TMTC2: variants seen among roughly 807,000 people sequenced by gnomAD.
TMTC2 encodes protein O-mannosyl-transferase TMTC2.
Under a neutral mutation model 82.4 loss-of-function variants are expected in TMTC2, and 43 were observed. The observed-to-expected ratio is 0.52, with a 90% CI of 0.41 to 0.67. The LOEUF is 0.67. Among genes scored for constraint, TMTC2 ranks in the 30% least tolerant of loss-of-function variants. The pLI, the probability that TMTC2 is intolerant of heterozygous loss-of-function variation, is 0.00. For synonymous variants in TMTC2, 408 were observed against 381.9 expected (o/e 1.07, Z -0.80); for missense variants, 919 against 1,012.4 (o/e 0.91, Z 1.25).
chr12:82,706,026 A>T (rs1160096947), intron 1 of TMTC2, among the ~76,000 whole-genome samples: 1 of 151,992 alleles, frequency 6.6e-6, no homozygotes, highest in Non-Finnish European at 1.5e-5. Flanking sequence ...ATGAGAGAGA[A>T]GGCTGGGTGA....
chr12:83,058,314 C>CTT (rs1882617979), intron 10 of TMTC2, among the ~76,000 whole-genome samples: 1 of 151,772 alleles, frequency 6.6e-6, no homozygotes, highest in Non-Finnish European at 1.5e-5. Flanking sequence ...AACCAACCAA[C>CTT]AAAACAAAAA....
intron 8 of TMTC2, among the ~76,000 whole-genome samples, chr12:82,997,382 G>A (rs1241237298): frequency 1.5e-5 from 1 of 67,908 alleles, no homozygotes; most frequent in African/African-American, 5.9e-5. Context: ...ATATATATAT[G>A]TGTATATATA....
intron 2 of TMTC2, among the ~76,000 whole-genome samples, chr12:82,874,882 A>T (rs974824110): frequency 6.6e-6 from 1 of 152,172 alleles, no homozygotes; most frequent in Non-Finnish European, 1.5e-5. Flanking sequence ...TTAAATACTG[A>T]AATTAATTTG....
At chr12:82,794,534 A>G (rs1245708996) in intron 1 of TMTC2, among the ~76,000 whole-genome samples, 1 of 152,048 alleles carries the variant, frequency 6.6e-6, no homozygotes, top group Non-Finnish European at 1.5e-5. Flanking sequence ...TTATTTTTTA[A>G]CAGCATCTAT....
chr12:83,061,884 T>G (rs776379596), intron 11 of TMTC2, 53 bp downstream of exon 11: 1 of 1,384,204 alleles, frequency 7.2e-7, no homozygotes, highest in Non-Finnish European at 9.9e-7. Context: ...TCCAAGCATA[T>G]GATAGGTGTA....
intron 2 of TMTC2, among the ~76,000 whole-genome samples, chr12:82,863,571 C>G (rs1055137036): frequency 7.9e-5 from 12 of 152,098 alleles, no homozygotes; most frequent in Non-Finnish European, 4.4e-5. Context: ...ATATTGTATT[C>G]CTGCAGGCTG....
At chr12:83,103,974 A>T (rs998214891) in intron 11 of TMTC2, among the ~76,000 whole-genome samples, 4 of 152,220 alleles carry the variant, frequency 2.6e-5, no homozygotes, top group Non-Finnish European at 5.9e-5. Context: ...AAAAAAGAGA[A>T]CTCAGTCAAA....
chr12:82,852,455 T>C (rs1393854963), intron 1 of TMTC2, among the ~76,000 whole-genome samples: 2 of 152,160 alleles, frequency 1.3e-5, no homozygotes, highest in Admixed American at 6.5e-5. Context: ...TCCTGTGTTC[T>C]CTAGGGAATT....
Position 83,116,913 on chromosome 12 carries a change from C to G in TMTC2, c.2332-15297C>G, listed in dbSNP as rs915918143. 1.3e-5 allele frequency among the ~76,000 whole-genome samples: 2 copies of G among 152,160 alleles called. 1 individual carries two copies. The highest frequency in any genetic ancestry group is 4.8e-5 in the African/African-American group (2 of 41,424). ...TTACTCTGCTGTTACATTTGCTGTGCAAAAGCTCTTTAGTTTAATTAAGTT... is the reference window on the plus strand; with the variant it reads ...TTACTCTGCTGTTACATTTGCTGTGGAAAAGCTCTTTAGTTTAATTAAGTT... On this transcript the variant is annotated intron_variant, in intron 11 of 11. Coordinates refer to ENST00000321196, the MANE Select transcript of TMTC2 (RefSeq NM_152588.3).
intron 11 of TMTC2, among the ~76,000 whole-genome samples, chr12:83,064,659 T>A (rs1325795276): frequency 6.6e-6 from 1 of 151,874 alleles, no homozygotes; most frequent in East Asian, 1.9e-4. Context: ...ATCTAAGTAC[T>A]AACCAGCCCA....
intron 1 of TMTC2, among the ~76,000 whole-genome samples, chr12:82,810,910 C>A (rs756172075): frequency 2.0e-5 from 3 of 152,070 alleles, no homozygotes; most frequent in Admixed American, 2.0e-4. Flanking sequence ...GTTTCCCCAG[C>A]GATGCTGAAC....
At chr12:82,772,792 A>G (rs965430066) in intron 1 of TMTC2, among the ~76,000 whole-genome samples, 1 of 152,160 alleles carries the variant, frequency 6.6e-6, no homozygotes, top group African/African-American at 2.4e-5. Context: ...CTGTAATTTT[A>G]CACCTATTTA....
At chr12:83,022,518 A>G (rs981695142) in intron 8 of TMTC2, among the ~76,000 whole-genome samples, 18 of 152,044 alleles carry the variant, frequency 1.2e-4, no homozygotes, top group Non-Finnish European at 2.2e-4. Context: ...CTTGATTACC[A>G]AGGCCTGGAA....
intron 7 of TMTC2, among the ~76,000 whole-genome samples, chr12:82,979,463 T>C (rs1307821439): frequency 6.6e-6 from 1 of 151,744 alleles, no homozygotes; most frequent in African/African-American, 2.4e-5. Context: ...AGAAAATGAA[T>C]AACTCTACAC....
At chr12:82,971,248 C>T (rs758642447) in intron 7 of TMTC2, among the ~76,000 whole-genome samples, 24 of 151,818 alleles carry the variant, frequency 1.6e-4, no homozygotes, top group Non-Finnish European at 2.5e-4. Context: ...TCTGCTTAGT[C>T]CTTCTGTGTT....
intron 1 of TMTC2, among the ~76,000 whole-genome samples, chr12:82,849,577 A>G (rs879699409): frequency 9.2e-5 from 14 of 152,274 alleles, no homozygotes; most frequent in African/African-American, 3.1e-4. Flanking sequence ...ATGATATTCA[A>G]TGATGAGACT....
chr12:82,764,913 T>G (rs1179201862), intron 1 of TMTC2, among the ~76,000 whole-genome samples: 4 of 146,604 alleles, frequency 2.7e-5, no homozygotes, highest in African/African-American at 1.0e-4. Context: ...GCATTTTACG[T>G]AAGACAACAC....
At position 83,066,814 on chromosome 12, in the gene TMTC2, T is replaced by TA. The variant is rs556214487; in HGVS notation, c.2331+4990dup. On this transcript the variant is annotated intron_variant, in intron 11 of 11. Transcript: ENST00000321196. ...TAGAAGAAAAGAAATACCACAAATA[T>TA]AAAAAAATTGTAATCAGAGGGCTTT... Among the ~76,000 whole-genome samples, 15 of 151,990 alleles carry TA rather than the reference T, an allele frequency of 9.9e-5. No individual in the cohort carries two copies. In the East Asian group the frequency reaches 1.4e-3, roughly 14 times the overall value.
At chr12:82,862,097 T>A (rs1871583361) in intron 2 of TMTC2, among the ~76,000 whole-genome samples, 1 of 152,178 alleles carries the variant, frequency 6.6e-6, no homozygotes. Flanking sequence ...AAATGATTGT[T>A]TTAGCATTAC....
Sources: gnomAD v4.1 joint callset for allele counts (sites outside exome capture counted in the v4.1 genomes callset) on GRCh38, gnomAD v4.1.1 for gene constraint, MANE v1.5 for transcripts, NCBI Gene and HGNC (gene_info 2026-07-23, HGNC 2026-07-21) for gene names.